Variants in CCDC171 observed in about 807,000 individuals in gnomAD.
CCDC171 encodes coiled-coil domain containing 171, also known as coiled-coil domain-containing protein 171.
CCDC171 carries 177 observed loss-of-function variants against 168.2 expected under a neutral mutation model. That is an observed-to-expected ratio of 1.05 (90% CI 0.93 to 1.19). The LOEUF (loss-of-function observed/expected upper bound fraction) is 1.19, where lower values mean the gene tolerates loss of function less well. Among genes scored for constraint, CCDC171 ranks in the 50% most tolerant of loss-of-function variants. The pLI is 0.00. For synonymous variants in CCDC171, 687 were observed against 540.8 expected (o/e 1.27, Z -3.75); for missense variants, 1,991 against 1,539.0 (o/e 1.29, Z -4.91).
chr9:15,723,827 G>A (rs1350879736), intron 13 of CCDC171, 81 bp downstream of exon 13: 5 of 608,166 alleles, frequency 8.2e-6, no homozygotes, highest in Non-Finnish European at 1.1e-5. Flanking sequence ...TAGAGATATT[G>A]AGGTACCTGA....
the CCDC171 span, among the ~76,000 whole-genome samples, chr9:16,100,321 G>A: frequency 1.3e-5 from 2 of 152,092 alleles, no homozygotes; most frequent in African/African-American, 4.8e-5. Context: ...GATTTCATCC[G>A]AGTAAAAACG....
the CCDC171 span, among the ~76,000 whole-genome samples, chr9:16,071,678 C>A: frequency 2.0e-5 from 3 of 152,184 alleles, no homozygotes; most frequent in Non-Finnish European, 4.4e-5. Flanking sequence ...GAATCACATC[C>A]CCAGGGTTCA....
Position 15,920,458 on chromosome 9 carries a change from TG to T in CCDC171, c.3753+37del, listed in dbSNP as rs764602408. On this transcript the variant is annotated intron_variant, in intron 25 of 25. Coordinates refer to ENST00000380701, the MANE Select transcript of CCDC171 (RefSeq NM_173550.4). ...GTCTAACAATATTTTTATAACTTTT[TG>T]AATCTTGGGTTACATTTACATTTAT... 3 of 1,462,190 alleles carry T rather than the reference TG, an allele frequency of 2.1e-6. No homozygotes were observed. The African/African-American group carries it at 4.2e-5, about 20-fold the overall frequency. 90.6% of individuals were successfully genotyped at this position (1,462,190 alleles called of 1,614,324 possible).
intron 3 of CCDC171, among the ~76,000 whole-genome samples, chr9:15,998,483 T>C (rs1832437910): frequency 6.6e-6 from 1 of 152,142 alleles, no homozygotes; most frequent in African/African-American, 2.4e-5. Flanking sequence ...GGCTGAAGCT[T>C]TGGGGAGGAA....
intron 21 of CCDC171, among the ~76,000 whole-genome samples, chr9:15,808,947 G>A (rs2059200883): frequency 1.3e-5 from 2 of 152,250 alleles, no homozygotes; most frequent in South Asian, 2.1e-4. Context: ...CCTCATAGAT[G>A]GCACCTTCTT....
chr9:15,896,068 G>A (rs1328639289), intron 24 of CCDC171, among the ~76,000 whole-genome samples: 1 of 151,746 alleles, frequency 6.6e-6, no homozygotes, highest in Non-Finnish European at 1.5e-5. Flanking sequence ...AACCATGTTG[G>A]TTTTTTTCTA....
At position 15,779,038 on chromosome 9, in the gene CCDC171, G is replaced by A. The variant is rs143745985; in HGVS notation, c.2969G>A (p.Arg990His). 2.6e-5 allele frequency: 41 copies of A among 1,602,378 alleles called. No individual in the cohort carries two copies. Among genetic ancestry groups the A allele is most frequent in the Non-Finnish European group, 2.9e-5 (34 of 1,174,894 alleles). ...TQRLHAAEVE[R>H]RSLRLEVTEF... Reference sequence around the variant, plus strand: ...AGACTGCATGCTGCAGAAGTGGAGCGCCGCTCACTACGCTTAGAGGTCACA... The same window carrying A: ...AGACTGCATGCTGCAGAAGTGGAGCACCGCTCACTACGCTTAGAGGTCACA... Residue 990 changes from arginine to histidine, a missense_variant, in exon 20 of 26, where the codon CGC (arginine) becomes CAC (histidine). Arg to His is a conservative substitution (Grantham distance 29). Coordinates refer to ENST00000380701, the MANE Select transcript of CCDC171 (RefSeq NM_173550.4).
chr9:15,665,732 G>C (rs534252795), intron 8 of CCDC171, among the ~76,000 whole-genome samples: 1 of 152,338 alleles, frequency 6.6e-6, no homozygotes, highest in African/African-American at 2.4e-5. Context: ...AGTGAGCTAT[G>C]ATCACACTAC....
chr9:16,056,043 G>A (rs962486095), intron 1 of CCDC171, among the ~76,000 whole-genome samples: 4 of 152,142 alleles, frequency 2.6e-5, no homozygotes, highest in Admixed American at 2.0e-4. Context: ...AAGCTTAGCA[G>A]ACTATAACAT....
chr9:15,962,641 A>G (rs1374947364), intron 25 of CCDC171, among the ~76,000 whole-genome samples: 1 of 151,920 alleles, frequency 6.6e-6, no homozygotes, highest in Non-Finnish European at 1.5e-5. Context: ...TTTGTTACTT[A>G]GCTGTATTTT....
chr9:15,700,974 C>T (rs555415880), intron 11 of CCDC171, among the ~76,000 whole-genome samples: 2 of 151,944 alleles, frequency 1.3e-5, no homozygotes, highest in East Asian at 1.9e-4. Context: ...TTTTGATTTG[C>T]GTTTCCCTAA....
At chr9:15,681,440 T>C (rs1302338032) in intron 10 of CCDC171, among the ~76,000 whole-genome samples, 1 of 152,120 alleles carries the variant, frequency 6.6e-6, no homozygotes, top group East Asian at 1.9e-4. Flanking sequence ...TTCCTCTTCT[T>C]TCTTCTTCCC....
At chr9:15,935,189 A>T (rs1589169854) in intron 25 of CCDC171, among the ~76,000 whole-genome samples, 1 of 152,000 alleles carries the variant, frequency 6.6e-6, no homozygotes, top group Non-Finnish European at 1.5e-5. Context: ...CATTAAAAAT[A>T]TTTCTTTGAG....
chr9:15,612,979 T>G (rs2131877825), intron 6 of CCDC171, among the ~76,000 whole-genome samples: 1 of 152,288 alleles, frequency 6.6e-6, no homozygotes, highest in East Asian at 1.9e-4. Flanking sequence ...TGTCGCCTAT[T>G]TGAGATTTAT....
chr9:15,971,615 T>C lies in CCDC171; in HGVS notation c.3760T>C (p.Ser1254Pro). Residue 1254 changes from serine to proline, a missense_variant, in exon 26 of 26, where the codon TCA becomes CCA. Transcript: ENST00000380701. ...RENASLQSIG[S>P]RDHSNLSIPS... ...TTTCTTTTGTATGTCACAGATAGGA[T>C]CACGAGACCATTCAAATCTCTCCAT... 6.2e-7 allele frequency: 1 copy of C among 1,611,380 alleles called. No individual in the cohort carries two copies. Among genetic ancestry groups the C allele is most frequent in the Non-Finnish European group, 8.5e-7 (1 of 1,178,220 alleles).
At chr9:15,886,053 A>G (rs1045003977) in intron 24 of CCDC171, 1 of 152,160 alleles carries the variant, frequency 6.6e-6, no homozygotes, top group African/African-American at 2.4e-5. Context: ...TTTTAAAAAT[A>G]TTTTATTTAG....
intron 24 of CCDC171, among the ~76,000 whole-genome samples, chr9:15,893,195 A>G (rs182799072): frequency 6.6e-6 from 1 of 152,310 alleles, no homozygotes; most frequent in Admixed American, 6.5e-5. Context: ...AAAATTCCCT[A>G]TTTAGTAAAT....
intron 16 of CCDC171, among the ~76,000 whole-genome samples, chr9:15,735,201 T>G (rs2054412647): frequency 6.6e-6 from 1 of 152,222 alleles, no homozygotes; most frequent in Non-Finnish European, 1.5e-5. Context: ...AGCATGTCTT[T>G]AGCACTGGGT....
intron 23 of CCDC171, among the ~76,000 whole-genome samples, chr9:15,873,185 T>C (rs912300277): frequency 6.6e-6 from 1 of 152,068 alleles, no homozygotes; most frequent in Non-Finnish European, 1.5e-5. Flanking sequence ...GATGCCGTTA[T>C]ATGTTTGTGT....
Sources: allele counts gnomAD v4.1 joint callset (sites outside exome capture counted in the v4.1 genomes callset), GRCh38; gene constraint gnomAD v4.1.1; transcripts MANE v1.5; gene names NCBI Gene and HGNC (gene_info 2026-07-23, HGNC 2026-07-21).